The following ZNF512 variants were observed in gnomAD, a reference collection of about 807,000 sequenced individuals.
The protein encoded by ZNF512 is zinc finger protein 512.
Under a neutral mutation model 77.5 loss-of-function variants are expected in ZNF512, and 25 were observed. The ratio of observed to expected loss-of-function variants is 0.32; its 90% CI spans 0.23 to 0.45. The LOEUF is 0.45. Ranked by LOEUF, ZNF512 falls within the 20% of genes least tolerant of loss-of-function variation. ZNF512 has a pLI of 1.00. For missense variants in ZNF512, 483 were observed against 692.6 expected (o/e 0.70, Z 3.40); for synonymous variants, 246 against 239.9 (o/e 1.03, Z -0.24).
At position 27,616,288 on chromosome 2, in the gene ZNF512, A is replaced by G. The variant is rs1381991402; in HGVS notation, c.1260A>G (p.Val420=). ...NQGCEAVYSS[V]SGLKAHLGSC... is the part of the protein sequence containing the mutation. Reference sequence around the variant, plus strand: ...GCTGTGAGGCTGTCTACAGCAGTGTATCTGGCCTTAAAGCTCACCTGGGCT... The same window carrying G: ...GCTGTGAGGCTGTCTACAGCAGTGTGTCTGGCCTTAAAGCTCACCTGGGCT... Residue 420 remains valine, a synonymous_variant, in exon 12 of 14, where the codon GTA becomes GTG. Coordinates refer to ENST00000355467, the MANE Select transcript of ZNF512 (RefSeq NM_032434.4). 3.7e-6 allele frequency: 6 copies of G among 1,614,030 alleles called. No individual in the cohort carries two copies. In the Admixed American group the frequency reaches 6.7e-5, roughly 18 times the overall value.
intron 9 of ZNF512, among the ~76,000 whole-genome samples, chr2:27,605,388 A>T (rs891638144): frequency 6.6e-6 from 1 of 151,552 alleles, no homozygotes; most frequent in Non-Finnish European, 1.5e-5. Context: ...CAGGAGGCGG[A>T]GATTGCAGTG....
intron 2 of ZNF512, among the ~76,000 whole-genome samples, chr2:27,584,175 C>T (rs924201794): frequency 1.3e-5 from 2 of 151,228 alleles, no homozygotes; most frequent in African/African-American, 4.9e-5. Flanking sequence ...GGGAGAAAAA[C>T]CTAGCTTGCA....
chr2:27,614,835 C>T (rs1411709756), intron 10 of ZNF512, among the ~76,000 whole-genome samples: 1 of 151,110 alleles, frequency 6.6e-6, no homozygotes, highest in Non-Finnish European at 1.5e-5. Flanking sequence ...TTTTTTCTTT[C>T]CTAATCATTA....
intron 13 of ZNF512, among the ~76,000 whole-genome samples, chr2:27,619,080 A>G (rs1355949291): frequency 2.0e-5 from 3 of 152,238 alleles, no homozygotes; most frequent in Non-Finnish European, 4.4e-5. Flanking sequence ...TTTTAGTAAT[A>G]ATAGCATATC....
At chr2:27,606,062 G>A (rs1158299487) in intron 9 of ZNF512, among the ~76,000 whole-genome samples, 3 of 149,742 alleles carry the variant, frequency 2.0e-5, no homozygotes, top group Non-Finnish European at 1.5e-5. Context: ...AATGACTAAC[G>A]ATGCTTAATC....
At chr2:27,602,037 G>A (rs1225921155) in intron 7 of ZNF512, among the ~76,000 whole-genome samples, 1 of 152,236 alleles carries the variant, frequency 6.6e-6, no homozygotes, top group African/African-American at 2.4e-5. Flanking sequence ...ACCCTCCTTG[G>A]CCTGCCGAAG....
At chr2:27,617,636 T>A in intron 13 of ZNF512, 65 bp downstream of exon 13, 2 of 776,640 alleles carry the variant, frequency 2.6e-6, no homozygotes, top group Admixed American at 3.5e-5. Flanking sequence ...TTTGTCCCTA[T>A]TGTTATGGAC....
chr2:27,601,635 G>A (rs562451180), intron 7 of ZNF512, among the ~76,000 whole-genome samples, 193 bp downstream of exon 7: 3 of 142,586 alleles, frequency 2.1e-5, no homozygotes, highest in African/African-American at 8.4e-5. Flanking sequence ...CACCACGCCT[G>A]GCTAATTTTT....
intron 2 of ZNF512, among the ~76,000 whole-genome samples, chr2:27,596,270 T>C (rs1671865609): frequency 6.6e-6 from 1 of 152,204 alleles, no homozygotes; most frequent in Admixed American, 6.5e-5. Flanking sequence ...CACATTAGAG[T>C]TCAAATCTCA....
intron 2 of ZNF512, among the ~76,000 whole-genome samples, chr2:27,596,529 A>G (rs962011445): frequency 2.6e-5 from 4 of 152,210 alleles, no homozygotes; most frequent in African/African-American, 9.6e-5. Context: ...GCTGCTCTGC[A>G]AGTGGGGTTC....
intron 10 of ZNF512, among the ~76,000 whole-genome samples, chr2:27,612,450 T>G (rs929002429): frequency 6.6e-5 from 10 of 152,058 alleles, no homozygotes; most frequent in African/African-American, 2.4e-4. Context: ...GTGGATAGAG[T>G]TAGGATATAA....
At position 27,610,568 on chromosome 2, in the gene ZNF512, ATTTTTTTTT is replaced by A. The variant is rs767964486; in HGVS notation, c.1131+2553_1131+2561del. 2.6e-3 allele frequency among the ~76,000 whole-genome samples: 47 copies of A among 18,178 alleles called. 3 individuals carry two copies. The highest frequency in any genetic ancestry group is 5.9e-3 in the East Asian group (3 of 508). 11.9% of individuals were successfully genotyped at this position (18,178 alleles called of 152,430 possible). ...TGTATATATATATATATATATATAT[ATTTTTTTTT>A]TTTTTTTTTTTTTTTTTTTTTTTGA... On this transcript the variant is annotated intron_variant, in intron 10 of 13. Transcript: ENST00000355467.
At chr2:27,605,611 G>T (rs1672321134) in intron 9 of ZNF512, among the ~76,000 whole-genome samples, 1 of 151,940 alleles carries the variant, frequency 6.6e-6, no homozygotes, top group African/African-American at 2.4e-5. Flanking sequence ...AAGTAGCTGG[G>T]ATTATAGGCG....
chr2:27,610,546 A>G (rs190033856), intron 10 of ZNF512, among the ~76,000 whole-genome samples: 766 of 18,164 alleles, frequency 0.042, 37 homozygotes, highest in African/African-American at 0.094. Context: ...ATGTGTGTGT[A>G]TATATATATA....
intron 13 of ZNF512, among the ~76,000 whole-genome samples, chr2:27,619,180 C>T (rs150512889): frequency 0.013 from 1,978 of 152,252 alleles, 34 homozygotes; most frequent in African/African-American, 0.044. Flanking sequence ...GAGGCCGAGG[C>T]GGGCAGATCA....
In ZNF512 at chr2:27,596,553, A is replaced by G. The variant is rs114244952; in HGVS notation, c.90-1514A>G. On this transcript the variant is annotated intron_variant, in intron 2 of 13. Coordinates refer to ENST00000355467, the MANE Select transcript of ZNF512 (RefSeq NM_032434.4). ...CAAGTGGGGTTCATCCTCATTGCAAATTCTTACTTGAGGGAAAAAGACAGA... is the reference window on the plus strand; with the variant it reads ...CAAGTGGGGTTCATCCTCATTGCAAGTTCTTACTTGAGGGAAAAAGACAGA... 9.8e-3 allele frequency among the ~76,000 whole-genome samples: 1,487 copies of G among 152,266 alleles called. 25 individuals carry two copies. Among genetic ancestry groups the G allele is most frequent in the African/African-American group, 0.033 (1,372 of 41,536 alleles).
chr2:27,617,196 A>T (rs1672919166), intron 12 of ZNF512: 1 of 307,348 alleles, frequency 3.3e-6, no homozygotes, highest in Non-Finnish European at 6.2e-6. Context: ...ATAGGAAGGT[A>T]GAAAGATGTG....
intron 13 of ZNF512, 118 bp from the exon 14 acceptor site, chr2:27,621,033 ATC>A (rs1673098084): frequency 1.8e-6 from 2 of 1,097,558 alleles, no homozygotes; most frequent in East Asian, 2.4e-5. Context: ...ATGGTTCCAT[ATC>A]TGTTTCCTTC....
Position 27,621,542 on chromosome 2 carries a change from G to C in ZNF512, c.*81G>C. On this transcript the variant is annotated 3_prime_UTR_variant, in exon 14 of 14. Coordinates refer to ENST00000355467, the MANE Select transcript of ZNF512 (RefSeq NM_032434.4). ...ACCTGTGCTGGGAGGACTGAGTGAAGATTCTTTCAGCTGTTTGTGTAAGGC... is the reference window on the plus strand; with the variant it reads ...ACCTGTGCTGGGAGGACTGAGTGAACATTCTTTCAGCTGTTTGTGTAAGGC... 7.2e-7 allele frequency: 1 copy of C among 1,393,948 alleles called. No individual in the cohort carries two copies. Among genetic ancestry groups the C allele is most frequent in the South Asian group, 1.5e-5 (1 of 68,752 alleles). The allele number at this position is 1,393,948 out of a possible 1,614,324, so 86.3% of individuals were successfully genotyped here.
Sources: allele counts gnomAD v4.1 joint callset (sites outside exome capture counted in the v4.1 genomes callset), GRCh38; gene constraint gnomAD v4.1.1; transcripts MANE v1.5; gene names NCBI Gene and HGNC (gene_info 2026-07-23, HGNC 2026-07-21).